Variants in CNOT6 observed in about 807,000 individuals in gnomAD.
CNOT6 encodes the protein carbon catabolite repression 4 protein.
CNOT6 carries 12 observed loss-of-function variants against 61.2 expected under a neutral mutation model. The observed-to-expected ratio is 0.20, with a 90% CI of 0.13 to 0.32. The LOEUF (loss-of-function observed/expected upper bound fraction) is 0.32. Among genes scored for constraint, CNOT6 ranks in the 10% least tolerant of loss-of-function variants. The probability of loss-of-function intolerance (pLI) is 1.00; values close to 1 mark genes in which losing one functional copy is unlikely to be tolerated. For missense variants in CNOT6, 405 were observed against 663.9 expected, an observed-to-expected ratio of 0.61 and a Z score of 4.28; for synonymous variants, 225 against 240.6, an observed-to-expected ratio of 0.94 and a Z score of 0.60.
chr5:180,547,817 G>T (rs62405545), intron 2 of CNOT6, among the ~76,000 whole-genome samples: 71,294 of 151,576 alleles, frequency 0.47, 17,835 homozygotes, highest in Non-Finnish European at 0.57. Flanking sequence ...CACTGCAACC[G>T]CCACCTCCCG....
intron 4 of CNOT6, 59 bp from the exon 5 acceptor site, chr5:180,564,429 TA>T: frequency 1.8e-6 from 2 of 1,134,850 alleles, no homozygotes; most frequent in East Asian, 4.8e-5. Context: ...TGATACATTT[TA>T]AAATTTTGAA....
At chr5:180,556,589 T>C (rs1234642697) in intron 4 of CNOT6, among the ~76,000 whole-genome samples, 1 of 152,212 alleles carries the variant, frequency 6.6e-6, no homozygotes, top group East Asian at 1.9e-4. Context: ...AAGATCCTTT[T>C]GTTACACTCT....
intron 11 of CNOT6, among the ~76,000 whole-genome samples, chr5:180,572,804 C>T (rs1760818829): frequency 6.6e-6 from 1 of 152,094 alleles, no homozygotes; most frequent in Admixed American, 6.6e-5. Flanking sequence ...AATCCTCCTG[C>T]CTTAGCCTCC....
At chr5:180,518,004 C>T (rs938392936) in intron 1 of CNOT6, among the ~76,000 whole-genome samples, 2 of 116,280 alleles carry the variant, frequency 1.7e-5, no homozygotes, top group African/African-American at 2.7e-5. Flanking sequence ...CTTCCCCCAT[C>T]TCCCCCTCTC....
chr5:180,531,290 T>C (rs1174428154), intron 2 of CNOT6, among the ~76,000 whole-genome samples: 1 of 149,280 alleles, frequency 6.7e-6, no homozygotes, highest in African/African-American at 2.5e-5. Context: ...TCAGAGACGC[T>C]TCTCACCTCC....
chr5:180,556,781 T>A (rs1298859725), intron 4 of CNOT6, among the ~76,000 whole-genome samples: 3 of 152,092 alleles, frequency 2.0e-5, no homozygotes, highest in Non-Finnish European at 4.4e-5. Context: ...TGAAACCCCG[T>A]CACTACTAAA....
chr5:180,529,332 C>G lies in CNOT6; in HGVS notation c.56C>G (p.Ser19Cys). The G allele has an allele frequency of 6.2e-7, 1 of 1,613,512 alleles. No individual in the cohort carries two copies. The highest frequency in any genetic ancestry group is 8.5e-7 in the Non-Finnish European group (1 of 1,179,728). ...CCTCGGAGGATGTATACAATTATGT[C>G]TTCTGAGGAAGCAGCAAATGGAAAG... ...PDPRRMYTIM[S>C]SEEAANGKKS... The change falls in exon 2 of 12, where the codon TCT becomes TGT. Residue 19 changes from serine to cysteine, a missense_variant. Physicochemically the swap from Ser to Cys is moderately radical, Grantham distance 112. Transcript: ENST00000261951.
intron 1 of CNOT6, among the ~76,000 whole-genome samples, chr5:180,504,583 G>A (rs1050275987): frequency 6.6e-6 from 1 of 152,176 alleles, no homozygotes; most frequent in Admixed American, 6.5e-5. Flanking sequence ...ATATTAAGGT[G>A]CTGAAGTGAT....
rs762146515 is a variant in CNOT6 at position 180,575,038 on chromosome 5, G to A, written c.*838G>A. 7 of 152,594 alleles carry A rather than the reference G, an allele frequency of 4.6e-5. No individual in the cohort carries two copies. Among genetic ancestry groups the A allele is most frequent in the Non-Finnish European group, 1.0e-4 (7 of 68,036 alleles). The allele number at this position is 152,594 out of a possible 1,614,324, so 9.5% of individuals were successfully genotyped here. ...GTAATGGTTGATATATGTACATTCT[G>A]ATATTTTTAAATCTTTAACTTTTTA... On this transcript the variant is annotated 3_prime_UTR_variant, in exon 12 of 12. Coordinates refer to ENST00000261951, the MANE Select transcript of CNOT6 (RefSeq NM_001370472.1).
In CNOT6 at chr5:180,539,270, C is replaced by A. The variant is rs1758888842; in HGVS notation, c.112+9882C>A. ...AAGATGGCAAGGCCCCAGAGTGAGA[C>A]CCTATCTCTTTAAAAACAAACAAAC... On this transcript the variant is annotated intron_variant, in intron 2 of 11. Coordinates refer to ENST00000261951, the MANE Select transcript of CNOT6 (RefSeq NM_001370472.1). Among the ~76,000 whole-genome samples the A allele has an allele frequency of 2.0e-5, 3 of 148,318 alleles. 1 individual carries two copies. In the South Asian group the frequency reaches 6.4e-4, roughly 32 times the overall value.
intron 4 of CNOT6, among the ~76,000 whole-genome samples, chr5:180,560,202 C>A (rs1466211120): frequency 6.6e-6 from 1 of 152,098 alleles, no homozygotes; most frequent in African/African-American, 2.4e-5. Flanking sequence ...ACTTCGCCCT[C>A]CCAAAGTGCT....
intron 2 of CNOT6, among the ~76,000 whole-genome samples, chr5:180,540,034 CCT>C (rs1240977760): frequency 3.3e-5 from 5 of 151,730 alleles, no homozygotes; most frequent in Admixed American, 6.6e-5. Flanking sequence ...TGGTTCTGTT[CCT>C]CTCTCTCATT....
chr5:180,554,780 T>C (rs1759797566), intron 4 of CNOT6, among the ~76,000 whole-genome samples: 1 of 152,196 alleles, frequency 6.6e-6, no homozygotes, highest in African/African-American at 2.4e-5. Flanking sequence ...TAACAGTGAA[T>C]ACTTTATCAT....
intron 1 of CNOT6, among the ~76,000 whole-genome samples, chr5:180,520,877 T>G (rs1319705636): frequency 6.6e-6 from 1 of 151,560 alleles, no homozygotes; most frequent in African/African-American, 2.4e-5. Context: ...TGGAGTCTCT[T>G]TCTGTCGCCC....
chr5:180,519,762 G>A (rs1444424828), intron 1 of CNOT6, among the ~76,000 whole-genome samples: 2 of 110,740 alleles, frequency 1.8e-5, no homozygotes, highest in East Asian at 5.7e-4. Flanking sequence ...TCAGTTAATC[G>A]ATTCTTTTTT....
At chr5:180,511,751 G>C (rs1276342856) in intron 1 of CNOT6, among the ~76,000 whole-genome samples, 1 of 151,870 alleles carries the variant, frequency 6.6e-6, no homozygotes, top group Non-Finnish European at 1.5e-5. Flanking sequence ...GGGCAACAGA[G>C]TGAGACCCTG....
At chr5:180,507,361 A>C (rs1286197948) in intron 1 of CNOT6, among the ~76,000 whole-genome samples, 1 of 152,210 alleles carries the variant, frequency 6.6e-6, no homozygotes, top group Non-Finnish European at 1.5e-5. Flanking sequence ...ACACATTGGG[A>C]GGCCCAGGCG....
intron 1 of CNOT6, among the ~76,000 whole-genome samples, chr5:180,507,644 G>C (rs1207716205): frequency 6.6e-6 from 1 of 152,132 alleles, no homozygotes; most frequent in African/African-American, 2.4e-5. Context: ...TGATGTACTT[G>C]TATTTCTAGG....
At chr5:180,564,181 C>T (rs1253291893) in intron 4 of CNOT6, among the ~76,000 whole-genome samples, 3 of 152,182 alleles carry the variant, frequency 2.0e-5, no homozygotes, top group South Asian at 2.1e-4. Flanking sequence ...GTGTTTTGCT[C>T]ACTCTTGTTT....
Sources: gnomAD v4.1 joint callset for allele counts (sites outside exome capture counted in the v4.1 genomes callset) on GRCh38, gnomAD v4.1.1 for gene constraint, MANE v1.5 for transcripts, NCBI Gene and HGNC (gene_info 2026-07-23, HGNC 2026-07-21) for gene names.